CSF2RA: variants seen among roughly 807,000 people sequenced by gnomAD.
CSF2RA encodes the protein colony stimulating factor 2 receptor subunit alpha.
Under a neutral mutation model 51.6 loss-of-function variants are expected in CSF2RA, and 42 were observed. That is an observed-to-expected ratio of 0.81 (90% confidence interval 0.64 to 1.05). The LOEUF is 1.05. Ranked by LOEUF, CSF2RA falls within the 50% of genes least tolerant of loss-of-function variation. CSF2RA has a pLI of 0.00. For synonymous variants in CSF2RA, 222 were observed against 193.0 expected, an observed-to-expected ratio of 1.15 and a Z score of -1.24; for missense variants, 530 against 501.1, an observed-to-expected ratio of 1.06 and a Z score of -0.55.
Position 1,301,022 on chromosome X carries a change from A to G in CSF2RA, c.946+396A>G, listed in dbSNP as rs529281166. ...TACAAAATTAGCCCAGCATTGTGGC[A>G]GGTGCCTGTAATCCCAGCTACTCGG... On this transcript the variant is annotated intron_variant, in intron 10 of 12. Transcript: ENST00000381529. 8.6e-5 allele frequency among the ~76,000 whole-genome samples: 13 copies of G among 151,656 alleles called. No homozygotes were observed. In the South Asian group the frequency reaches 2.7e-3, roughly 31 times the overall value.
intron 4 of CSF2RA, among the ~76,000 whole-genome samples, chrX:1,287,790 G>A (rs1178906112): frequency 2.2e-5 from 3 of 133,748 alleles, no homozygotes; most frequent in Non-Finnish European, 4.8e-5. Flanking sequence ...AGGCTGGAGT[G>A]CACTGGCGTG....
the CSF2RA span, among the ~76,000 whole-genome samples, chrX:1,316,773 G>A: frequency 2.9e-4 from 44 of 152,268 alleles, no homozygotes; most frequent in Middle Eastern, 0.014. Context: ...CATGCCGTGG[G>A]GAGCAAGTTC....
chrX:1,291,295 TTCCTTCCC>T (rs1420559178), intron 7 of CSF2RA, among the ~76,000 whole-genome samples: 24 of 126,844 alleles, frequency 1.9e-4, no homozygotes, highest in African/African-American at 3.8e-4. Context: ...CCTTCCTTCC[TTCCTTCCC>T]TCCCTCCCTC....
the CSF2RA span, among the ~76,000 whole-genome samples, chrX:1,320,498 G>GC: frequency 2.0e-5 from 2 of 98,358 alleles, no homozygotes; most frequent in African/African-American, 8.9e-5. Flanking sequence ...TGCCAATGTG[G>GC]CTTTTTTTTT....
intron 10 of CSF2RA, among the ~76,000 whole-genome samples, chrX:1,301,595 CTTTTT>C (rs777108928): frequency 9.5e-6 from 1 of 105,796 alleles, no homozygotes; most frequent in African/African-American, 3.5e-5. Context: ...CTCTTTTTTT[CTTTTT>C]TTTTTTTTTT....
chrX:1,324,590 G>C, the CSF2RA span, among the ~76,000 whole-genome samples: 144 of 151,280 alleles, frequency 9.5e-4, no homozygotes, highest in Non-Finnish European at 1.4e-3. Context: ...GAAAGAAAGA[G>C]AAAGAGAGAA....
rs1291174114 is a variant in CSF2RA at position 1,285,896 on chromosome X, G to A, written c.195G>A (p.Lys65=). The change falls in exon 4 of 13, where the codon AAG becomes AAA. Residue 65 remains lysine (K), a synonymous_variant. Coordinates refer to ENST00000381529, the MANE Select transcript of CSF2RA (RefSeq NM_172245.4). ...TCAGCAAGTGTTTCTTAACTGACAA[G>A]AAGAACAGAGTCGTGGAACCCAGGG... is the stretch of plus-strand genomic sequence containing the variant. ...TTFSKCFLTD[K]KNRVVEPRLS... is the part of the protein sequence containing the mutation. 3.7e-6 allele frequency: 6 copies of A among 1,613,726 alleles called. No individual in the cohort carries two copies. The African/African-American group carries it at 6.7e-5, about 18-fold the overall frequency.
chrX:1,309,574 CTA>C lies in CSF2RA; in HGVS notation c.*97_*98del, dbSNP rs758254988. On this transcript the variant is annotated 3_prime_UTR_variant, in exon 13 of 13. Transcript: ENST00000381529. ...ATGCTGTGAACCTTTATATCATTTT[CTA>C]TGTTTTTATTTAAAAACATGACATT... 7 of 1,613,784 alleles carry C rather than the reference CTA, an allele frequency of 4.3e-6. No homozygotes were observed. In the African/African-American group the frequency reaches 8.0e-5, roughly 18 times the overall value.
rs2229236 is a variant in CSF2RA at position 1,309,488 on chromosome X, G to A, written c.*9G>A. 24,362 of 1,613,916 alleles carry A rather than the reference G, an allele frequency of 0.015. 3,001 individuals carry two copies. In the African/African-American group the frequency reaches 0.28, roughly 18 times the overall value. Reference sequence around the variant, plus strand: ...TGAAGGAAATTACCTGAGACCCAGAGGGTGTAGGAATGGCATGGACATCTC... The same window carrying A: ...TGAAGGAAATTACCTGAGACCCAGAAGGTGTAGGAATGGCATGGACATCTC... On this transcript the variant is annotated 3_prime_UTR_variant, in exon 13 of 13. Transcript: ENST00000381529.
intron 9 of CSF2RA, 59 bp downstream of exon 9, chrX:1,295,515 C>G: frequency 1.3e-6 from 2 of 1,496,884 alleles, no homozygotes; most frequent in Non-Finnish European, 1.8e-6. Context: ...GTCCCCTACT[C>G]ACCACACCTA....
At chrX:1,292,687 G>T (rs1349541489) in intron 7 of CSF2RA, among the ~76,000 whole-genome samples, 1 of 152,084 alleles carries the variant, frequency 6.6e-6, no homozygotes, top group Non-Finnish European at 1.5e-5. Context: ...AGCATATCTC[G>T]CCTCCAGCCA....
At chrX:1,304,666 T>G (rs28508406) in intron 11 of CSF2RA, among the ~76,000 whole-genome samples, 87,174 of 150,164 alleles carry the variant, frequency 0.58, 26,189 homozygotes, top group South Asian at 0.77. Flanking sequence ...TTGTTTGTTT[T>G]TTTGTTTTTT....
At position 1,287,072 on chromosome X, in the gene CSF2RA, G is replaced by C. The variant is rs1603426932; in HGVS notation, c.219+1152G>C. 3 of 151,630 alleles carry C rather than the reference G, an allele frequency of 2.0e-5. No individual in the cohort carries two copies. In the South Asian group the frequency reaches 6.3e-4, roughly 32 times the overall value. The allele number at this position is 151,630 out of a possible 1,614,324, so 9.4% of individuals were successfully genotyped here. The stretch of plus-strand genomic sequence containing the variant: ...GATAGGTGATAATAGATGATTGGAA[G>C]ATTGATAATCAATTCTATAGGTAGA... On this transcript the variant is annotated intron_variant, in intron 4 of 12. Coordinates refer to ENST00000381529, the MANE Select transcript of CSF2RA (RefSeq NM_172245.4).
chrX:1,314,936 TTGCCCAACCCCTCTGTGC>T (rs2084488973), downstream of CSF2RA, among the ~76,000 whole-genome samples: 2 of 21,706 alleles, frequency 9.2e-5, no homozygotes, highest in African/African-American at 3.9e-4. Context: ...CGCACTGCAC[TTGCCCAACCCCTCTGTGC>T]CTGCCCAACC....
chrX:1,282,162 G>A (rs1401122570), intron 2 of CSF2RA: 16 of 164,280 alleles, frequency 9.7e-5, no homozygotes, highest in South Asian at 7.3e-4. Flanking sequence ...CCGAGATCGC[G>A]CCACTGCACT....
chrX:1,296,918 G>A (rs1291431664), intron 9 of CSF2RA, among the ~76,000 whole-genome samples: 2 of 64,608 alleles, frequency 3.1e-5, no homozygotes, highest in African/African-American at 6.9e-5. Flanking sequence ...GACCCCTGGC[G>A]GAACCGTACA....
chrX:1,287,997 A>G (rs1468463221), intron 4 of CSF2RA, among the ~76,000 whole-genome samples: 70 of 151,330 alleles, frequency 4.6e-4, no homozygotes, highest in Non-Finnish European at 8.7e-4. Flanking sequence ...TTGGCCTCCC[A>G]GAGTGCTGGG....
At chrX:1,314,493 C>A (rs1421801291), downstream of CSF2RA, among the ~76,000 whole-genome samples, 12 of 144,082 alleles carry the variant, frequency 8.3e-5, no homozygotes, top group South Asian at 2.2e-4. Context: ...CCCAACCCCA[C>A]TGTGCCTGCC....
At chrX:1,314,441 CTTGCCCAATTGCA>C (rs2084376157), downstream of CSF2RA, among the ~76,000 whole-genome samples, 6 of 148,264 alleles carry the variant, frequency 4.0e-5, no homozygotes, top group Admixed American at 2.0e-4. Flanking sequence ...CCGCACTGCA[CTTGCCCAATTGCA>C]CTGCACCTGC....
Sources: allele counts gnomAD v4.1 joint callset (sites outside exome capture counted in the v4.1 genomes callset), GRCh38; gene constraint gnomAD v4.1.1; transcripts MANE v1.5; gene names NCBI Gene and HGNC (gene_info 2026-07-23, HGNC 2026-07-21).